The following BLTP3B variants were observed in gnomAD, a reference collection of about 807,000 sequenced individuals.
The protein encoded by BLTP3B is UHRF1 (ICBP90) binding protein 1-like.
At chr12:100,091,392 G>A in the BLTP3B span, among the ~76,000 whole-genome samples, 5 of 151,630 alleles carry the variant, frequency 3.3e-5, no homozygotes, top group South Asian at 2.1e-4. Context: ...GTTTCACCAC[G>A]TTGGACAGGC....
chr12:100,054,789 G>GT, the BLTP3B span, among the ~76,000 whole-genome samples: 2 of 152,118 alleles, frequency 1.3e-5, no homozygotes, highest in East Asian at 1.9e-4. Context: ...TTAACGGCTT[G>GT]TTAAAAACTT....
At chr12:100,117,831 C>G in the BLTP3B span, among the ~76,000 whole-genome samples, 1 of 152,150 alleles carries the variant, frequency 6.6e-6, no homozygotes, top group African/African-American at 2.4e-5. Flanking sequence ...TACTCCATTT[C>G]AAGCCCATTC....
the BLTP3B span, among the ~76,000 whole-genome samples, chr12:100,043,969 G>A: frequency 1.3e-5 from 2 of 152,226 alleles, no homozygotes; most frequent in African/African-American, 4.8e-5. Flanking sequence ...AGGGAAGAAG[G>A]TATGATTTAT....
chr12:100,076,838 C>T, the BLTP3B span, among the ~76,000 whole-genome samples: 38 of 152,212 alleles, frequency 2.5e-4, no homozygotes, highest in African/African-American at 7.9e-4. Flanking sequence ...TAACAAATAA[C>T]GGCTTATTCT....
chr12:100,068,791 A>C, the BLTP3B span, among the ~76,000 whole-genome samples: 1 of 152,256 alleles, frequency 6.6e-6, no homozygotes, highest in Admixed American at 6.5e-5. Flanking sequence ...TCAAAACCAC[A>C]ATGCGATATC....
the BLTP3B span, chr12:100,059,555 T>A: frequency 5.1e-6 from 8 of 1,555,146 alleles, no homozygotes; most frequent in Non-Finnish European, 6.9e-6. Flanking sequence ...GAAAAATTAA[T>A]CTCATCCAAC....
the BLTP3B span, among the ~76,000 whole-genome samples, chr12:100,140,912 T>C: frequency 1.3e-5 from 2 of 151,378 alleles, no homozygotes; most frequent in African/African-American, 4.9e-5. Flanking sequence ...TGGAGTTCTA[T>C]AAAAGAATTA....
chr12:100,078,401 T>C, the BLTP3B span, among the ~76,000 whole-genome samples: 4 of 152,182 alleles, frequency 2.6e-5, no homozygotes, highest in African/African-American at 7.2e-5. Flanking sequence ...CAATTAAACT[T>C]CTTTTCTTTA....
At chr12:100,059,947 T>G in the BLTP3B span, 1 of 1,613,270 alleles carries the variant, frequency 6.2e-7, no homozygotes, top group Non-Finnish European at 8.5e-7. Context: ...AAGACTCTGT[T>G]TTAAATCCAA....
At chr12:100,091,954 AC>A in the BLTP3B span, among the ~76,000 whole-genome samples, 1 of 151,314 alleles carries the variant, frequency 6.6e-6, no homozygotes, top group African/African-American at 2.4e-5. Flanking sequence ...GATTACAGGC[AC>A]CCACCACCAT....
the BLTP3B span, chr12:100,059,618 CT>C: frequency 1.4e-6 from 2 of 1,407,798 alleles, no homozygotes; most frequent in African/African-American, 1.5e-5. Flanking sequence ...CTCAGAAATT[CT>C]TTTTCTTGAC....
the BLTP3B span, chr12:100,051,544 A>C: frequency 4.0e-4 from 80 of 198,268 alleles, no homozygotes; most frequent in African/African-American, 1.7e-3. Flanking sequence ...CATACAAAAC[A>C]TAAGTCTCAA....
the BLTP3B span, chr12:100,050,109 T>C: frequency 6.6e-6 from 9 of 1,356,848 alleles, no homozygotes; most frequent in Non-Finnish European, 8.7e-6. Flanking sequence ...GAGACATATA[T>C]AAAAGTTAAA....
At chr12:100,059,043 T>C in the BLTP3B span, 2 of 1,614,132 alleles carry the variant, frequency 1.2e-6, no homozygotes, top group Non-Finnish European at 1.7e-6. Flanking sequence ...AGATACCTGA[T>C]TACAAGTCTG....
the BLTP3B span, chr12:100,108,345 G>T: frequency 2.5e-6 from 4 of 1,573,446 alleles, no homozygotes; most frequent in Non-Finnish European, 3.4e-6. Flanking sequence ...AAACATGAAA[G>T]GCCTTCCACA....
the BLTP3B span, among the ~76,000 whole-genome samples, chr12:100,117,179 T>G: frequency 1.2e-4 from 19 of 152,332 alleles, no homozygotes; most frequent in East Asian, 3.7e-3. Context: ...TAACTCCTCA[T>G]TCTTTTAGTG....
At chr12:100,127,682 G>T in the BLTP3B span, among the ~76,000 whole-genome samples, 1 of 152,088 alleles carries the variant, frequency 6.6e-6, no homozygotes, top group Non-Finnish European at 1.5e-5. Flanking sequence ...GACAGGAGAG[G>T]GTAGAAGAGA....
the BLTP3B span, chr12:100,084,384 A>T: frequency 1.4e-4 from 18 of 129,186 alleles, no homozygotes; most frequent in South Asian, 5.0e-4. Flanking sequence ...ATGATCACAC[A>T]CACACACACA....
At chr12:100,077,930 C>T in the BLTP3B span, among the ~76,000 whole-genome samples, 2 of 151,878 alleles carry the variant, frequency 1.3e-5, no homozygotes, top group African/African-American at 4.8e-5. Flanking sequence ...ACTGTAGTTC[C>T]GTAAAGCAAA....
Sources: gnomAD v4.1 joint callset for allele counts (sites outside exome capture counted in the v4.1 genomes callset) on GRCh38, gnomAD v4.1.1 for gene constraint, MANE v1.5 for transcripts, NCBI Gene and HGNC (gene_info 2026-07-23, HGNC 2026-07-21) for gene names.